The following BAIAP2L2 variants were observed in gnomAD, a reference collection of about 807,000 sequenced individuals.
The protein encoded by BAIAP2L2 is BAR/IMD domain containing adaptor protein 2 like 2, also known as BAR/IMD domain-containing adapter protein 2-like 2.
In BAIAP2L2, 65 loss-of-function variants were observed where a neutral mutation model predicts 60.4. That is an observed-to-expected ratio of 1.08 (90% confidence interval 0.88 to 1.32). BAIAP2L2 has a LOEUF of 1.32. BAIAP2L2 is among the 40% of genes most tolerant of loss of function. The pLI is 0.00. For missense variants in BAIAP2L2, 836 were observed against 741.2 expected, an observed-to-expected ratio of 1.13 and a Z score of -1.48; for synonymous variants, 344 against 301.7, an observed-to-expected ratio of 1.14 and a Z score of -1.45.
At chr22:38,100,420 G>T (rs532909382) in intron 4 of BAIAP2L2, among the ~76,000 whole-genome samples, 14 of 152,224 alleles carry the variant, frequency 9.2e-5, no homozygotes, top group African/African-American at 3.4e-4. Context: ...CAGCTACTCG[G>T]GAGGCTGAGG....
At position 38,086,358 on chromosome 22, in the gene BAIAP2L2, A is replaced by G. The variant is rs1479018889; in HGVS notation, c.1351T>C (p.Ser451Pro). The G allele has an allele frequency of 1.3e-6, 1 of 771,966 alleles. No homozygotes were observed. Among genetic ancestry groups the G allele is most frequent in the African/African-American group, 1.6e-5 (1 of 63,008 alleles). 47.8% of individuals were successfully genotyped at this position (771,966 alleles called of 1,614,324 possible). ...IAPSEYWDGQ[S>P]RSRTPSRVPS... is the part of the protein sequence containing the mutation. ...ACCCGGCTTGGGGTGCGGGAGCGGG[A>G]CTGGCCATCCCAGTACTCCGAGGGT... Residue 451 changes from serine to proline, a missense_variant, in exon 12 of 14, where the codon TCC becomes CCC. Coordinates refer to ENST00000381669, the MANE Select transcript of BAIAP2L2 (RefSeq NM_025045.6).
At position 38,085,323 on chromosome 22, in the gene BAIAP2L2, G is replaced by A. The variant is rs779817371; in HGVS notation, c.1567C>T (p.Arg523Cys). The A allele has an allele frequency of 3.7e-5, 60 of 1,613,916 alleles. No homozygotes were observed. Among genetic ancestry groups the A allele is most frequent in the Admixed American group, 1.0e-4 (6 of 59,994 alleles). Residue 523 changes from arginine (R) to cysteine (C), a missense_variant, in exon 14 of 14, where the codon CGC becomes TGC. Transcript: ENST00000381669. ...VKLRPTITND[R>C]SAPLIR The stretch of plus-strand genomic sequence containing the variant: ...CCTCAGCGGATGAGGGGTGCTGAGC[G>A]GTCATTGGTGATGGTGGGACGAAGC...
intron 7 of BAIAP2L2, among the ~76,000 whole-genome samples, chr22:38,094,736 A>G (rs1278052724): frequency 1.3e-5 from 2 of 152,212 alleles, no homozygotes; most frequent in Non-Finnish European, 2.9e-5. Flanking sequence ...GACAGTGGGC[A>G]GATGAGAGCC....
chr22:38,085,375 C>T lies in BAIAP2L2; in HGVS notation c.1515G>A (p.Arg505=), dbSNP rs751203994. Residue 505 remains arginine, a splice_region_variant and synonymous_variant, in exon 14 of 14, where the codon AGG becomes AGA. Coordinates refer to ENST00000381669, the MANE Select transcript of BAIAP2L2 (RefSeq NM_025045.6). ...TGACAGTGGCAAAAGGATTTGTGCC[C>T]CTGTAGGAGGAGAGAGAGAATGGGG... ...EQYPPQELFP[R]GTNPFATVKL... 8.7e-6 allele frequency: 14 copies of T among 1,613,262 alleles called. No individual in the cohort carries two copies. In the South Asian group the frequency reaches 1.4e-4, roughly 16 times the overall value.
At chr22:38,107,767 GGC>G in intron 4 of BAIAP2L2, 83 bp downstream of exon 4, 2 of 1,301,088 alleles carry the variant, frequency 1.5e-6, no homozygotes, top group Non-Finnish European at 2.2e-6. Flanking sequence ...CCCTGGGAAG[GGC>G]ATCTGGTAGG....
chr22:38,104,788 ACC>A (rs2086631873), intron 4 of BAIAP2L2, among the ~76,000 whole-genome samples: 1 of 151,554 alleles, frequency 6.6e-6, no homozygotes, highest in Non-Finnish European at 1.5e-5. Context: ...GAGCCACCAC[ACC>A]CAGCCAAAAA....
intron 8 of BAIAP2L2, 137 bp downstream of exon 8, chr22:38,089,385 C>T (rs1448554440): frequency 3.4e-5 from 20 of 590,406 alleles, no homozygotes; most frequent in Non-Finnish European, 4.9e-5. Flanking sequence ...CGCGCCGGGG[C>T]GGAAGGGCAG....
intron 10 of BAIAP2L2, 30 bp downstream of exon 10, chr22:38,088,718 A>AGGGG: frequency 1.2e-6 from 1 of 864,824 alleles, no homozygotes; most frequent in Non-Finnish European, 1.8e-6. Flanking sequence ...TTCTCAACCC[A>AGGGG]CCCCCGGCCC....
At chr22:38,103,320 A>G (rs1437201316) in intron 4 of BAIAP2L2, among the ~76,000 whole-genome samples, 1 of 152,378 alleles carries the variant, frequency 6.6e-6, no homozygotes, top group East Asian at 1.9e-4. Context: ...CACACATTGC[A>G]TATAAATATG....
intron 7 of BAIAP2L2, among the ~76,000 whole-genome samples, chr22:38,094,421 G>A (rs2086379837): frequency 6.6e-6 from 1 of 152,076 alleles, no homozygotes; most frequent in African/African-American, 2.4e-5. Flanking sequence ...CCTGTCCTCA[G>A]GTGATCCACC....
At chr22:38,108,398 A>T in intron 2 of BAIAP2L2, 57 bp from the exon 3 acceptor site, 26 of 1,389,764 alleles carry the variant, frequency 1.9e-5, no homozygotes, top group Non-Finnish European at 2.5e-5. Context: ...ACCCTTCTGG[A>T]GGCTCTTTTC....
intron 10 of BAIAP2L2, 143 bp downstream of exon 10, chr22:38,088,605 G>A: frequency 1.3e-6 from 1 of 771,162 alleles, no homozygotes. Flanking sequence ...ACTGAGGCAG[G>A]GTGCGGGGGT....
In BAIAP2L2 at chr22:38,097,143, G is replaced by T. The variant is rs138269859; in HGVS notation, c.501C>A (p.Ala167=). The T allele has an allele frequency of 1.2e-6, 2 of 1,613,918 alleles. No individual in the cohort carries two copies. Among genetic ancestry groups the T allele is most frequent in the Non-Finnish European group, 1.7e-6 (2 of 1,180,024 alleles). ...SVNRLHAQMQ[A]FVSESQRAAE... is the part of the protein sequence containing the mutation. The stretch of plus-strand genomic sequence containing the variant: ...CCGCCCGCTGACTCTCAGACACGAA[G>T]GCCTGCATCTGTGCGTGCAGCCGGT... Residue 167 remains alanine (A), a synonymous_variant, in exon 7 of 14, where the codon GCC becomes GCA. Transcript: ENST00000381669.
Position 38,097,017 on chromosome 22 carries a change from C to T in BAIAP2L2, c.612+15G>A, listed in dbSNP as rs747731081. The T allele has an allele frequency of 1.2e-6, 2 of 1,605,384 alleles. No homozygotes were observed. The highest frequency in any genetic ancestry group is 1.7e-6 in the Non-Finnish European group (2 of 1,175,656). ...CCTAGAAGCGCCCCGCTTGCTGCCC[C>T]CCAGTCCAACTCACCCGGCCGAAGA... On this transcript the variant is annotated intron_variant, in intron 7 of 13. Transcript: ENST00000381669.
chr22:38,085,728 A>G lies in BAIAP2L2; in HGVS notation c.1472T>C (p.Leu491Pro), dbSNP rs1198795404. Residue 491 changes from leucine (L) to proline (P), a missense_variant, in exon 13 of 14, where the codon CTG becomes CCG. By Grantham distance (98) the Leu-to-Pro change is moderately conservative (BLOSUM62 -3). Transcript: ENST00000381669. ...TGGTGGGTACTGCTCTGAGGACATC[A>G]GTTTCTGCAGTGGGGGTGGGGAAGG... is the stretch of plus-strand genomic sequence containing the variant. Reference protein sequence around the residue: ...STAVATDVKKLMSSEQYPPQE... With the variant: ...STAVATDVKKPMSSEQYPPQE... The G allele has an allele frequency of 2.5e-6, 4 of 1,597,696 alleles. No individual in the cohort carries two copies. Among genetic ancestry groups the G allele is most frequent in the South Asian group, 1.1e-5 (1 of 87,838 alleles).
chr22:38,100,856 T>C (rs958341241), intron 4 of BAIAP2L2, among the ~76,000 whole-genome samples: 6 of 152,302 alleles, frequency 3.9e-5, no homozygotes, highest in African/African-American at 1.4e-4. Flanking sequence ...TGAAAGAAGC[T>C]AGACACAAAA....
chr22:38,088,651 GA>G, intron 10 of BAIAP2L2, 96 bp downstream of exon 10: 1 of 1,265,452 alleles, frequency 7.9e-7, no homozygotes, highest in Non-Finnish European at 1.1e-6. Context: ...GCCCCCGGGG[GA>G]GGCCAGGGAA....
intron 4 of BAIAP2L2, among the ~76,000 whole-genome samples, chr22:38,106,192 G>T (rs575880656): frequency 7.9e-5 from 12 of 152,292 alleles, no homozygotes; most frequent in Non-Finnish European, 1.8e-4. Context: ...GGGCCTTGTT[G>T]TGTGTGCGTG....
chr22:38,097,265 C>T (rs537803526), intron 6 of BAIAP2L2, 87 bp from the exon 7 acceptor site: 1 of 1,475,206 alleles, frequency 6.8e-7, no homozygotes, highest in South Asian at 1.2e-5. Context: ...GTTCAAGCCC[C>T]CTGTTCTTCC....
Sources: allele counts gnomAD v4.1 joint callset (sites outside exome capture counted in the v4.1 genomes callset), GRCh38; gene constraint gnomAD v4.1.1; transcripts MANE v1.5; gene names NCBI Gene and HGNC (gene_info 2026-07-23, HGNC 2026-07-21).